C14orf132: variants seen among roughly 807,000 people sequenced by gnomAD.
C14orf132 encodes uncharacterized protein C14orf132.
A neutral mutation model predicts 5.8 loss-of-function variants in C14orf132; 6 were observed. The ratio of observed to expected loss-of-function variants is 1.03; its 90% confidence interval spans 0.57 to 2.04. The LOEUF (loss-of-function observed/expected upper bound fraction) is 2.04, where lower values mean the gene tolerates loss of function less well. Among genes scored for constraint, C14orf132 ranks in the 30% most tolerant of loss-of-function variants. The pLI is 0.00. For missense variants in C14orf132, 125 were observed against 115.8 expected, an observed-to-expected ratio of 1.08 and a Z score of -0.37; for synonymous variants, 51 against 49.8, an observed-to-expected ratio of 1.02 and a Z score of -0.10.
At position 96,039,447 on chromosome 14, in the gene C14orf132, AC is replaced by A; in HGVS notation, c.-51del. ...TCCCCGCCAACTGTGCAGGCGGCTG[AC>A]CCGCAGCGGCAGCGGCAGCAGCGAG... On this transcript the variant is annotated 5_prime_UTR_variant, in exon 1 of 2. Transcript: ENST00000555004. The surrounding 1 kb of genome is among the most constrained non-coding windows in gnomAD (Gnocchi z 5.3). 1 of 1,470,576 alleles carries A rather than the reference AC, an allele frequency of 6.8e-7. No individual in the cohort carries two copies. The highest frequency in any genetic ancestry group is 9.0e-7 in the Non-Finnish European group (1 of 1,109,974). The allele number at this position is 1,470,576 out of a possible 1,614,324, so 91.1% of individuals were successfully genotyped here. A position where few individuals can be genotyped will look rare whatever the true frequency, so the allele number is the denominator to read the frequency against.
intron 1 of C14orf132, among the ~76,000 whole-genome samples, chr14:96,083,966 T>C (rs971736167): frequency 6.6e-6 from 1 of 152,212 alleles, no homozygotes; most frequent in Non-Finnish European, 1.5e-5. Context: ...CAGAAGCAGG[T>C]GCTCAAGGGC....
At position 96,090,782 on chromosome 14, in the gene C14orf132, G is replaced by C. The variant is rs1888373731; in HGVS notation, c.*4047G>C. 2.2e-6 allele frequency: 1 copy of C among 455,968 alleles called. No individual in the cohort carries two copies. Among genetic ancestry groups the C allele is most frequent in the African/African-American group, 2.0e-5 (1 of 50,084 alleles). The allele number at this position is 455,968 out of a possible 1,614,324, so 28.2% of individuals were successfully genotyped here. On this transcript the variant is annotated 3_prime_UTR_variant, in exon 2 of 2. Transcript: ENST00000555004. Reference sequence around the variant, plus strand: ...CCCGGTTCAGCTGGAAGGCTTGGAGGCTGGCCAGACCACTCTGGCGTCTCC... The same window carrying C: ...CCCGGTTCAGCTGGAAGGCTTGGAGCCTGGCCAGACCACTCTGGCGTCTCC...
chr14:96,049,608 A>G (rs55762201), intron 1 of C14orf132, among the ~76,000 whole-genome samples: 37,575 of 89,182 alleles, frequency 0.42, 8,743 homozygotes, highest in East Asian at 0.72. Context: ...ACGTATATAT[A>G]TACATATATA....
Position 96,086,816 on chromosome 14 carries a change from T to C in C14orf132, c.*81T>C, listed in dbSNP as rs1296823726. Reference sequence around the variant, plus strand: ...CTGTCGGCCTTTGGCTTCTCCTGTGTTCTAGAACCAGGAGTTTTGACCAGG... The same window carrying C: ...CTGTCGGCCTTTGGCTTCTCCTGTGCTCTAGAACCAGGAGTTTTGACCAGG... On this transcript the variant is annotated 3_prime_UTR_variant, in exon 2 of 2. Transcript: ENST00000555004. 2 of 1,380,382 alleles carry C rather than the reference T, an allele frequency of 1.4e-6. No homozygotes were observed. Among genetic ancestry groups the C allele is most frequent in the Admixed American group, 4.4e-5 (2 of 45,930 alleles). The allele number at this position is 1,380,382 out of a possible 1,614,324, so 85.5% of individuals were successfully genotyped here.
At chr14:96,051,370 G>A (rs1357298240) in intron 1 of C14orf132, 1 of 396,252 alleles carries the variant, frequency 2.5e-6, no homozygotes, top group Non-Finnish European at 4.4e-6. Context: ...TGGGTCCTAG[G>A]AAGCCTTGTT....
chr14:96,054,328 G>A (rs1213822530), intron 1 of C14orf132, among the ~76,000 whole-genome samples: 1 of 152,162 alleles, frequency 6.6e-6, no homozygotes, highest in African/African-American at 2.4e-5. Flanking sequence ...CCCCAGCCAC[G>A]GCATTCTCAT....
intron 1 of C14orf132, among the ~76,000 whole-genome samples, chr14:96,065,077 G>C (rs1887491610): frequency 6.6e-6 from 1 of 152,126 alleles, no homozygotes; most frequent in Non-Finnish European, 1.5e-5. Flanking sequence ...TGGACATCAT[G>C]TGTAGCGGTC....
At chr14:96,050,110 A>C (rs1454771738) in intron 1 of C14orf132, among the ~76,000 whole-genome samples, 1 of 152,104 alleles carries the variant, frequency 6.6e-6, no homozygotes, top group Non-Finnish European at 1.5e-5. Context: ...TTTTCTCCTC[A>C]TATGGTTCAT....
intron 1 of C14orf132, among the ~76,000 whole-genome samples, chr14:96,082,575 G>A (rs1455463823): frequency 6.6e-6 from 1 of 152,196 alleles, no homozygotes; most frequent in East Asian, 1.9e-4. Context: ...GGGCTGACCA[G>A]CTTTGGAGCA....
chr14:96,049,568 A>ATACATATATATGTATATATG (rs1566823713), intron 1 of C14orf132, among the ~76,000 whole-genome samples: 9 of 115,570 alleles, frequency 7.8e-5, no homozygotes, highest in Non-Finnish European at 1.5e-4. Context: ...ATACGTATAT[A>ATACATATATATGTATATATG]TACATATATA....
chr14:96,059,901 A>T (rs1387931888), intron 1 of C14orf132, among the ~76,000 whole-genome samples: 1 of 152,186 alleles, frequency 6.6e-6, no homozygotes, highest in Non-Finnish European at 1.5e-5. Context: ...TGTTGTTCCC[A>T]TGAGCAGACC....
rs557310045 is a variant in C14orf132, at chr14:96,039,645, G to A, written c.27+118G>A. On this transcript the variant is annotated intron_variant, in intron 1 of 1. Coordinates refer to ENST00000555004, the MANE Select transcript of C14orf132 (RefSeq NM_001252507.3). The surrounding 1 kb of genome is among the most constrained non-coding windows in gnomAD (Gnocchi z 5.3). ...GCGCCCGCCCGCGATCCGCGTCCCG[G>A]TCCTTTGTCCCGAGCCGGACACCCC... is the stretch of plus-strand genomic sequence containing the variant. 9.1e-6 allele frequency: 10 copies of A among 1,104,942 alleles called. No individual in the cohort carries two copies. The highest frequency in any genetic ancestry group is 1.2e-5 in the Non-Finnish European group (10 of 834,728). The allele number at this position is 1,104,942 out of a possible 1,614,324, so 68.4% of individuals were successfully genotyped here. A position where few individuals can be genotyped will look rare whatever the true frequency, so the allele number is the denominator to read the frequency against.
intron 1 of C14orf132, among the ~76,000 whole-genome samples, chr14:96,041,316 T>G (rs866955893): frequency 6.6e-6 from 1 of 152,166 alleles, no homozygotes; most frequent in Non-Finnish European, 1.5e-5. Context: ...AGGCCCCATT[T>G]TACAGGTCAG....
At chr14:96,058,329 T>A (rs1342686334) in intron 1 of C14orf132, among the ~76,000 whole-genome samples, 2 of 152,096 alleles carry the variant, frequency 1.3e-5, no homozygotes, top group Non-Finnish European at 2.9e-5. Flanking sequence ...GGAATAAAGA[T>A]CCTTAATGAT....
At chr14:96,064,361 T>TAC (rs755164695) in intron 1 of C14orf132, among the ~76,000 whole-genome samples, 1,196 of 97,836 alleles carry the variant, frequency 0.012, 10 homozygotes, top group South Asian at 0.03. Context: ...AGGGTGCATA[T>TAC]ATACACACAC....
chr14:96,062,686 C>T (rs894108933), intron 1 of C14orf132, among the ~76,000 whole-genome samples: 1 of 152,136 alleles, frequency 6.6e-6, no homozygotes, highest in Non-Finnish European at 1.5e-5. Context: ...GTGTCAGAAC[C>T]GCTAGGGAGT....
At chr14:96,053,504 A>G (rs1887089311) in intron 1 of C14orf132, among the ~76,000 whole-genome samples, 1 of 152,252 alleles carries the variant, frequency 6.6e-6, no homozygotes, top group Admixed American at 6.5e-5. Context: ...GAAGATAAGC[A>G]GAGCCTGGGC....
At position 96,055,832 on chromosome 14, in the gene C14orf132, G is replaced by A. The variant is rs192228186; in HGVS notation, c.27+16305G>A. On this transcript the variant is annotated intron_variant, in intron 1 of 1. Transcript: ENST00000555004. ...TCTCTTTCCTTCACTATCCCTCCCC[G>A]ACTTAGTCCTCTGGCTCCTGTTTCT... is the stretch of plus-strand genomic sequence containing the variant. Among the ~76,000 whole-genome samples, 133 of 152,188 alleles carry A rather than the reference G, an allele frequency of 8.7e-4. 1 individual carries two copies. The highest frequency in any genetic ancestry group is 2.8e-3 in the African/African-American group (116 of 41,510).
Position 96,069,179 on chromosome 14 carries a change from G to GTATATATATATATA in C14orf132, c.28-17330_28-17317dup, listed in dbSNP as rs527543816. ...ATAATAAATCTCTTCATATATATAT[G>GTATATATATATATA]TATATATATATATATGTATATATGT... On this transcript the variant is annotated intron_variant, in intron 1 of 1. Transcript: ENST00000555004. Among the ~76,000 whole-genome samples the GTATATATATATATA allele has an allele frequency of 1.8e-4, 9 of 48,784 alleles. No homozygotes were observed. In the South Asian group the frequency reaches 4.5e-3, roughly 24 times the overall value. The allele number at this position is 48,784 out of a possible 152,430, so 32.0% of individuals were successfully genotyped here. A position where few individuals can be genotyped will look rare whatever the true frequency, so the allele number is the denominator to read the frequency against.
Sources: gnomAD v4.1 joint callset for allele counts (sites outside exome capture counted in the v4.1 genomes callset) on GRCh38, gnomAD v4.1.1 for gene constraint, Gnocchi (gnomAD v3.1) non-coding constraint, MANE v1.5 for transcripts, NCBI Gene and HGNC (gene_info 2026-07-23, HGNC 2026-07-21) for gene names.